DST: variants seen among roughly 807,000 people sequenced by gnomAD.
The protein encoded by DST is bullous pemphigoid antigen.
A neutral mutation model predicts 875.2 loss-of-function variants in DST; 253 were observed. That is an observed-to-expected ratio of 0.29 (90% CI 0.26 to 0.32). DST has a LOEUF of 0.32. DST is among the 10% of genes least tolerant of loss of function. DST has a pLI of 1.00. For synonymous variants in DST, 3,124 were observed against 3,197.1 expected, an observed-to-expected ratio of 0.98 and a Z score of 0.77; for missense variants, 8,287 against 9,111.6, an observed-to-expected ratio of 0.91 and a Z score of 3.68.
chr6:56,927,391 T>C (rs1023596358), intron 2 of DST, among the ~76,000 whole-genome samples: 7 of 152,070 alleles, frequency 4.6e-5, no homozygotes, highest in Admixed American at 3.9e-4. Flanking sequence ...ATGTGGGAGA[T>C]CCAAAGGTTT....
At position 56,607,892 on chromosome 6, in the gene DST, C is replaced by T. The variant is rs2098512353; in HGVS notation, c.6736G>A (p.Ala2246Thr). 1 of 1,613,634 alleles carries T rather than the reference C, an allele frequency of 6.2e-7. No individual in the cohort carries two copies. The highest frequency in any genetic ancestry group is 8.5e-7 in the Non-Finnish European group (1 of 1,179,700). ...GCHAEFDGNT[A>T]IKECLDVLSS... ...AAGACATCGAGACATTCTTTTATGG[C>T]TGTGTTTCCATCAAATTCTGCATGA... The change falls in exon 40 of 104, where the codon GCC becomes ACC. Residue 2246 changes from alanine to threonine, a missense_variant. By Grantham distance (58) the Ala-to-Thr change is moderately conservative. Transcript: ENST00000680361.
intron 4 of DST, among the ~76,000 whole-genome samples, chr6:56,833,713 A>C (rs2099790142): frequency 6.6e-6 from 1 of 152,174 alleles, no homozygotes; most frequent in African/African-American, 2.4e-5. Context: ...ACATAGCTAA[A>C]ACAAAATAGT....
At chr6:56,745,179 GA>G (rs1057334706) in intron 4 of DST, among the ~76,000 whole-genome samples, 1 of 152,058 alleles carries the variant, frequency 6.6e-6, no homozygotes, top group African/African-American at 2.4e-5. Flanking sequence ...AATACTTTAG[GA>G]CTCCATAGGT....
intron 61 of DST, among the ~76,000 whole-genome samples, chr6:56,544,888 G>A (rs769936115): frequency 2.0e-5 from 3 of 152,156 alleles, no homozygotes; most frequent in Non-Finnish European, 2.9e-5. Context: ...GAGCAGAACC[G>A]GACTGGTTTA....
rs1248635948 is a variant in DST, at chr6:56,509,801, T to G, written c.18853A>C (p.Ile6285Leu). 6.2e-7 allele frequency: 1 copy of G among 1,613,652 alleles called. No homozygotes were observed. Among genetic ancestry groups the G allele is most frequent in the East Asian group, 2.2e-5 (1 of 44,866 alleles). ...IVERLRQPPS[I>L]SAEVEKIKEQ... ...TTGATCTTCTCAACCTCTGCAGAGA[T>G]AGAGGGTGGCTGCCTCAGACGTTCC... Residue 6285 changes from isoleucine (I) to leucine (L), a missense_variant, in exon 74 of 104, where the codon ATC becomes CTC. Around this residue, in one of 10 missense-constraint regions of DST, gnomAD observed 1,292 missense variants for 1,552.7 expected, o/e 0.83. Transcript: ENST00000680361.
intron 4 of DST, among the ~76,000 whole-genome samples, chr6:56,774,829 C>T (rs1246058880): frequency 1.3e-5 from 2 of 151,926 alleles, no homozygotes; most frequent in Admixed American, 1.3e-4. Flanking sequence ...CCCATCTCTA[C>T]TAAAAATACA....
intron 28 of DST, among the ~76,000 whole-genome samples, chr6:56,632,429 CT>C (rs1263625518): frequency 1.1e-4 from 17 of 152,018 alleles, no homozygotes; most frequent in Admixed American, 3.9e-4. Context: ...TAGAATATTA[CT>C]AATAAAATTG....
At chr6:56,699,623 G>C in intron 9 of DST, 30 bp downstream of exon 9, 1 of 1,125,732 alleles carries the variant, frequency 8.9e-7, no homozygotes, top group Non-Finnish European at 1.3e-6. Context: ...CTAGCAATTA[G>C]ATGCTGAAAT....
chr6:56,665,874 C>A (rs1165226876), intron 10 of DST, among the ~76,000 whole-genome samples: 1 of 152,162 alleles, frequency 6.6e-6, no homozygotes, highest in Non-Finnish European at 1.5e-5. Context: ...GAGTCACAAT[C>A]TATTTCACAG....
At chr6:56,754,837 A>T (rs2099597633) in intron 4 of DST, among the ~76,000 whole-genome samples, 1 of 152,166 alleles carries the variant, frequency 6.6e-6, no homozygotes, top group African/African-American at 2.4e-5. Context: ...TAAATTAAAC[A>T]TATGTTCTTT....
intron 2 of DST, among the ~76,000 whole-genome samples, chr6:56,909,388 C>G (rs1400212603): frequency 6.6e-6 from 1 of 152,116 alleles, no homozygotes; most frequent in Non-Finnish European, 1.5e-5. Flanking sequence ...ATAAACACTT[C>G]CCACAGCCAC....
At chr6:56,633,523 G>A (rs1219371248) in intron 27 of DST, among the ~76,000 whole-genome samples, 1 of 150,718 alleles carries the variant, frequency 6.6e-6, no homozygotes, top group Non-Finnish European at 1.5e-5. Flanking sequence ...ACCGCGCCCG[G>A]CCGAGACGGA....
chr6:56,818,880 C>T (rs2099769759), intron 4 of DST, among the ~76,000 whole-genome samples: 3 of 152,106 alleles, frequency 2.0e-5, no homozygotes, highest in African/African-American at 7.2e-5. Flanking sequence ...CTGCTTTTTC[C>T]GAATTGCTGA....
intron 101 of DST, among the ~76,000 whole-genome samples, chr6:56,463,362 T>TA (rs1582015287): frequency 6.6e-6 from 1 of 152,144 alleles, no homozygotes; most frequent in East Asian, 1.9e-4. Context: ...TCACAAAGGC[T>TA]TCCTAAATAG....
intron 12 of DST, among the ~76,000 whole-genome samples, 188 bp downstream of exon 12, chr6:56,650,738 A>G (rs1208355078): frequency 2.0e-5 from 3 of 152,240 alleles, no homozygotes; most frequent in Non-Finnish European, 4.4e-5. Flanking sequence ...TTAATGAGTT[A>G]TACTTTAAAT....
rs1291394680 is a variant in DST, at chr6:56,493,307, T to TA, written c.20395-219dup. Reference sequence around the variant, plus strand: ...CTAGTAAGCAGCATCTCACTGTAACTAAAAAAAAATTAATATACGCTAAAG... The same window carrying TA: ...CTAGTAAGCAGCATCTCACTGTAACTAAAAAAAAAATTAATATACGCTAAAG... On this transcript the variant is annotated intron_variant, in intron 83 of 103. Transcript: ENST00000680361. Among the ~76,000 whole-genome samples the TA allele has an allele frequency of 5.9e-5, 9 of 151,534 alleles. No individual in the cohort carries two copies. The South Asian group carries it at 1.7e-3, about 28-fold the overall frequency.
intron 79 of DST, 78 bp from the exon 80 acceptor site, chr6:56,501,313 T>A: frequency 7.0e-7 from 1 of 1,428,758 alleles, no homozygotes; most frequent in Non-Finnish European, 9.4e-7. Flanking sequence ...AGGACAAAAA[T>A]AATTGTTTCA....
At chr6:56,906,814 C>T (rs1182362800) in intron 2 of DST, among the ~76,000 whole-genome samples, 2 of 152,174 alleles carry the variant, frequency 1.3e-5, no homozygotes, top group Non-Finnish European at 1.5e-5. Flanking sequence ...AGACAACGAA[C>T]CCCGGGTATT....
intron 60 of DST, among the ~76,000 whole-genome samples, chr6:56,554,062 C>T (rs1336022070): frequency 2.9e-5 from 4 of 139,934 alleles, no homozygotes; most frequent in South Asian, 4.8e-4. Flanking sequence ...ATGACTTTTT[C>T]GCGTCTATGA....
Sources: allele counts gnomAD v4.1 joint callset (sites outside exome capture counted in the v4.1 genomes callset), GRCh38; gene constraint gnomAD v4.1.1; regional missense constraint gnomAD v4.1.1; transcripts MANE v1.5; gene names NCBI Gene and HGNC (gene_info 2026-07-23, HGNC 2026-07-21).